Variants in TASP1 observed in about 807,000 individuals in gnomAD.
TASP1 encodes threonine aspartase 1.
Under a neutral mutation model 56.6 loss-of-function variants are expected in TASP1, and 16 were observed. That is an observed-to-expected ratio of 0.28 (90% CI 0.19 to 0.43). TASP1 has a LOEUF of 0.43. Ranked by LOEUF, TASP1 falls within the 20% of genes least tolerant of loss-of-function variation. The pLI is 1.00. For synonymous variants in TASP1, 179 were observed against 184.2 expected, an observed-to-expected ratio of 0.97 and a Z score of 0.23; for missense variants, 393 against 511.6, an observed-to-expected ratio of 0.77 and a Z score of 2.24.
chr20:13,446,332 A>G (rs1263391470), intron 11 of TASP1, among the ~76,000 whole-genome samples: 1 of 152,146 alleles, frequency 6.6e-6, no homozygotes, highest in Admixed American at 6.6e-5. Context: ...CATCAAGAAA[A>G]GGAGGGGCTA....
At chr20:13,432,004 T>C (rs1056773182) in intron 12 of TASP1, among the ~76,000 whole-genome samples, 2 of 152,218 alleles carry the variant, frequency 1.3e-5, no homozygotes, top group Non-Finnish European at 2.9e-5. Context: ...TAATTTTCTT[T>C]ACAAACTACT....
At chr20:13,561,700 A>G (rs979634313) in intron 7 of TASP1, among the ~76,000 whole-genome samples, 5 of 152,196 alleles carry the variant, frequency 3.3e-5, no homozygotes, top group African/African-American at 1.2e-4. Flanking sequence ...TTAAAGCATT[A>G]AAACACTATC....
chr20:13,551,391 A>G (rs2045977464), intron 8 of TASP1, among the ~76,000 whole-genome samples: 1 of 152,170 alleles, frequency 6.6e-6, no homozygotes, highest in African/African-American at 2.4e-5. Flanking sequence ...AATTATGTAC[A>G]TTCAACTGTA....
chr20:13,461,171 C>G (rs2044038077), intron 11 of TASP1, among the ~76,000 whole-genome samples: 1 of 152,174 alleles, frequency 6.6e-6, no homozygotes, highest in Non-Finnish European at 1.5e-5. Flanking sequence ...ACATGGCTCT[C>G]TCCATCACCT....
At chr20:13,626,540 A>T (rs139854235) in intron 2 of TASP1, among the ~76,000 whole-genome samples, 2 of 152,148 alleles carry the variant, frequency 1.3e-5, no homozygotes, top group Non-Finnish European at 2.9e-5. Context: ...CACAAACCTA[A>T]CCTACCTTTC....
At chr20:13,630,523 T>C (rs985547806) in intron 1 of TASP1, among the ~76,000 whole-genome samples, 11 of 151,606 alleles carry the variant, frequency 7.3e-5, no homozygotes, top group African/African-American at 2.7e-4. Context: ...ACCTCATCTC[T>C]ACTAAAAATA....
chr20:13,395,885 T>C (rs1390362554), intron 13 of TASP1, among the ~76,000 whole-genome samples: 2 of 151,192 alleles, frequency 1.3e-5, no homozygotes, highest in East Asian at 3.9e-4. Flanking sequence ...TTTTTTTTAG[T>C]AGAGATGGGG....
chr20:13,108,270 C>G, the TASP1 span, among the ~76,000 whole-genome samples: 1 of 152,224 alleles, frequency 6.6e-6, no homozygotes, highest in East Asian at 1.9e-4. Context: ...GAAACACACA[C>G]ACACAAATAT....
chr20:13,617,148 A>C, intron 4 of TASP1: 1 of 444,358 alleles, frequency 2.3e-6, no homozygotes, highest in Non-Finnish European at 4.5e-6. Context: ...CAAAAAATGC[A>C]GAGAAACATA....
At chr20:13,360,367 CT>C in the TASP1 span, among the ~76,000 whole-genome samples, 5 of 151,606 alleles carry the variant, frequency 3.3e-5, no homozygotes, top group Non-Finnish European at 7.4e-5. Context: ...TCTTCCTCAT[CT>C]GTTACCTATC....
At chr20:13,271,040 AG>A in the TASP1 span, among the ~76,000 whole-genome samples, 1 of 152,382 alleles carries the variant, frequency 6.6e-6, no homozygotes, top group Middle Eastern at 3.4e-3. Flanking sequence ...GAAATATAAA[AG>A]CAAAACAAAA....
At chr20:13,574,415 T>C (rs1601303285) in intron 6 of TASP1, among the ~76,000 whole-genome samples, 1 of 152,096 alleles carries the variant, frequency 6.6e-6, no homozygotes, top group Non-Finnish European at 1.5e-5. Context: ...AAGGTAAAAC[T>C]CACAATGTCT....
chr20:13,165,065 T>G, the TASP1 span: 1 of 531,522 alleles, frequency 1.9e-6, no homozygotes, highest in Admixed American at 3.4e-5. Context: ...ATTCCAGATT[T>G]AAGTCTCTCT....
intron 13 of TASP1, among the ~76,000 whole-genome samples, chr20:13,413,283 A>G (rs2042150915): frequency 6.6e-6 from 1 of 152,198 alleles, no homozygotes; most frequent in African/African-American, 2.4e-5. Context: ...TATGGGCAAC[A>G]TCTGTCCTGT....
At chr20:13,583,426 C>G (rs183481362) in intron 5 of TASP1, among the ~76,000 whole-genome samples, 1 of 152,338 alleles carries the variant, frequency 6.6e-6, no homozygotes, top group East Asian at 1.9e-4. Context: ...TTTGGGTATT[C>G]TCTCTCTGCC....
At chr20:13,417,608 C>A in intron 12 of TASP1, 87 bp from the exon 13 acceptor site, 2 of 1,405,344 alleles carry the variant, frequency 1.4e-6, no homozygotes, top group South Asian at 1.3e-5. Context: ...TTAAAGATAG[C>A]TTTATATTTA....
the TASP1 span, among the ~76,000 whole-genome samples, chr20:13,286,553 T>G: frequency 1.3e-5 from 2 of 152,098 alleles, no homozygotes; most frequent in African/African-American, 2.4e-5. Flanking sequence ...AAATTCTTTT[T>G]GGGGGATTGG....
At chr20:13,210,247 T>A in the TASP1 span, among the ~76,000 whole-genome samples, 2 of 152,176 alleles carry the variant, frequency 1.3e-5, no homozygotes, top group African/African-American at 2.4e-5. Flanking sequence ...GTTTATCCAT[T>A]CTAAAATTGA....
At chr20:13,284,762 A>G in the TASP1 span, among the ~76,000 whole-genome samples, 1 of 152,226 alleles carries the variant, frequency 6.6e-6, no homozygotes, top group Non-Finnish European at 1.5e-5. Flanking sequence ...GTCAGCCTCA[A>G]TAGAAATAAT....
Sources: gnomAD v4.1 joint callset for allele counts (sites outside exome capture counted in the v4.1 genomes callset) on GRCh38, gnomAD v4.1.1 for gene constraint, MANE v1.5 for transcripts, NCBI Gene and HGNC (gene_info 2026-07-23, HGNC 2026-07-21) for gene names.